Variants in SLC35F3 observed in about 807,000 individuals in gnomAD.
SLC35F3 encodes solute carrier family 35 member F3.
SLC35F3 carries 25 observed loss-of-function variants against 49.9 expected under a neutral mutation model. That is an observed-to-expected ratio of 0.50 (90% CI 0.37 to 0.70). The LOEUF (loss-of-function observed/expected upper bound fraction) is 0.70. Ranked by LOEUF, SLC35F3 falls within the 30% of genes least tolerant of loss-of-function variation. The probability of loss-of-function intolerance (pLI) is 0.00; values close to 1 mark genes in which losing one functional copy is unlikely to be tolerated. For missense variants in SLC35F3, 525 were observed against 639.8 expected (o/e 0.82, Z 1.94); for synonymous variants, 275 against 265.4 (o/e 1.04, Z -0.35).
intron 2 of SLC35F3, among the ~76,000 whole-genome samples, chr1:233,959,534 T>TTA (rs1292650286): frequency 2.0e-5 from 3 of 152,080 alleles, no homozygotes; most frequent in African/African-American, 7.2e-5. Flanking sequence ...TAACAGTAGG[T>TTA]CACACCAGGA....
At chr1:234,120,235 G>A (rs16842566) in intron 2 of SLC35F3, among the ~76,000 whole-genome samples, 3,720 of 152,284 alleles carry the variant, frequency 0.024, 162 homozygotes, top group African/African-American at 0.084. Context: ...CTACTGAATC[G>A]AAGTTGGGGT....
chr1:234,025,122 C>T (rs1409563707), intron 2 of SLC35F3, among the ~76,000 whole-genome samples: 5 of 152,230 alleles, frequency 3.3e-5, no homozygotes, highest in African/African-American at 9.6e-5. Context: ...CCTCCGGCCA[C>T]ATTCATGTTG....
chr1:234,145,032 C>T (rs1665976299), intron 2 of SLC35F3, among the ~76,000 whole-genome samples: 1 of 152,124 alleles, frequency 6.6e-6, no homozygotes, highest in African/African-American at 2.4e-5. Flanking sequence ...TCTTTTTGAA[C>T]AATTGTAGTA....
intron 2 of SLC35F3, among the ~76,000 whole-genome samples, chr1:233,940,374 AG>A (rs1384771537): frequency 3.4e-5 from 5 of 147,870 alleles, no homozygotes; most frequent in Middle Eastern, 3.5e-3. Context: ...ACACACAGAG[AG>A]AGAGAGAGAG....
chr1:234,277,829 G>A (rs1209658949), intron 3 of SLC35F3, among the ~76,000 whole-genome samples: 1 of 152,214 alleles, frequency 6.6e-6, no homozygotes, highest in African/African-American at 2.4e-5. Flanking sequence ...ACTGCGAAAT[G>A]AGAGAGGAAA....
chr1:233,994,147 T>G (rs1041400841), intron 2 of SLC35F3, among the ~76,000 whole-genome samples: 3 of 152,192 alleles, frequency 2.0e-5, no homozygotes, highest in Non-Finnish European at 2.9e-5. Flanking sequence ...TTGGCATAGG[T>G]CATGCAGAGA....
chr1:234,323,047 T>A lies in SLC35F3; in HGVS notation c.1277T>A (p.Val426Asp). ...ACCAGTCAGATCGTCTTCAATGGGG[T>A]CCGGGTCATCGCCATCATCATCATC... ...HYTSQIVFNG[V>D]RVIAIIIIGL... The change falls in exon 8 of 8, where the codon GTC becomes GAC. Residue 426 changes from valine to aspartate, a missense_variant. This residue lies in a region of SLC35F3 where 76 missense variants were observed against 95.6 expected (regional missense o/e 0.80). Coordinates refer to ENST00000366618, the MANE Select transcript of SLC35F3 (RefSeq NM_173508.4). The surrounding 1 kb of genome is among the most constrained non-coding windows in gnomAD (Gnocchi z 4.5). 1.2e-6 allele frequency: 2 copies of A among 1,613,962 alleles called. No homozygotes were observed. Among genetic ancestry groups the A allele is most frequent in the Non-Finnish European group, 8.5e-7 (1 of 1,180,034 alleles).
intron 2 of SLC35F3, among the ~76,000 whole-genome samples, chr1:233,960,664 A>T (rs995009537): frequency 2.6e-5 from 4 of 152,144 alleles, no homozygotes; most frequent in African/African-American, 4.8e-5. Flanking sequence ...CAGATTTCCC[A>T]ATTATAAATG....
chr1:234,106,644 C>A (rs1665288418), intron 2 of SLC35F3, among the ~76,000 whole-genome samples: 1 of 152,178 alleles, frequency 6.6e-6, no homozygotes, highest in Non-Finnish European at 1.5e-5. Flanking sequence ...TCTTAACCAC[C>A]TTTTTAAAGG....
intron 2 of SLC35F3, among the ~76,000 whole-genome samples, chr1:234,056,366 T>G (rs1007640227): frequency 2.0e-5 from 3 of 152,208 alleles, no homozygotes; most frequent in African/African-American, 7.2e-5. Flanking sequence ...TTTTAATAGT[T>G]TTTTATGTAT....
At chr1:234,136,693 G>A (rs549733105) in intron 2 of SLC35F3, among the ~76,000 whole-genome samples, 5 of 152,300 alleles carry the variant, frequency 3.3e-5, no homozygotes, top group East Asian at 3.9e-4. Context: ...ATTAATGAAC[G>A]CATGAGAGTA....
intron 3 of SLC35F3, among the ~76,000 whole-genome samples, chr1:234,264,658 A>G (rs940589854): frequency 6.6e-6 from 1 of 152,134 alleles, no homozygotes; most frequent in Non-Finnish European, 1.5e-5. Context: ...GGCGGAAATG[A>G]TCCTCCAACA....
intron 3 of SLC35F3, among the ~76,000 whole-genome samples, chr1:234,305,373 A>G (rs1657134403): frequency 7.2e-6 from 1 of 138,890 alleles, no homozygotes; most frequent in Non-Finnish European, 1.5e-5. Context: ...AATATTCAGT[A>G]GCAGTATTGC....
In SLC35F3 at chr1:234,214,230, C is replaced by A; in HGVS notation, c.284-17187C>A. The A allele has an allele frequency of 8.2e-7, 1 of 1,215,428 alleles. No individual in the cohort carries two copies. Among genetic ancestry groups the A allele is most frequent in the Non-Finnish European group, 1.0e-6 (1 of 977,178 alleles). 75.3% of individuals were successfully genotyped at this position (1,215,428 alleles called of 1,614,324 possible). On this transcript the variant is annotated intron_variant, in intron 2 of 7. Coordinates refer to ENST00000366618, the MANE Select transcript of SLC35F3 (RefSeq NM_173508.4). The surrounding 1 kb of genome is among the most constrained non-coding windows in gnomAD (Gnocchi z 8.0). ...TTGTACGTGACGTTGGAGTTTGCAG[C>A]AACCTCCAAGTAGGAGGCTGTGCGC...
At chr1:234,249,167 T>C (rs1667697084) in intron 3 of SLC35F3, among the ~76,000 whole-genome samples, 1 of 152,162 alleles carries the variant, frequency 6.6e-6, no homozygotes, top group African/African-American at 2.4e-5. Context: ...AGTGAGGCAA[T>C]TGTATCCTAC....
chr1:234,026,747 T>C (rs6694623), intron 2 of SLC35F3: 69 of 151,400 alleles, frequency 4.6e-4, no homozygotes, highest in African/African-American at 1.6e-3. Flanking sequence ...CGTTTTAGAG[T>C]CTAAACTCTT....
intron 3 of SLC35F3, among the ~76,000 whole-genome samples, chr1:234,268,321 G>C (rs11585167): frequency 6.9e-6 from 1 of 145,870 alleles, no homozygotes; most frequent in African/African-American, 2.5e-5. Context: ...CAGGCGTGGC[G>C]GCGCGCGCCT....
Position 234,320,044 on chromosome 1 carries a change from G to A in SLC35F3, c.1148-54G>A. On this transcript the variant is annotated intron_variant, in intron 6 of 7. Coordinates refer to ENST00000366618, the MANE Select transcript of SLC35F3 (RefSeq NM_173508.4). The surrounding 1 kb of genome is among the most constrained non-coding windows in gnomAD (Gnocchi z 4.8). ...CTGGGTCAGATAGGCCAGCAGGGAG[G>A]TAAAGTACACAGCAGTCATGAATAA... 1 of 1,288,450 alleles carries A rather than the reference G, an allele frequency of 7.8e-7. No homozygotes were observed. The allele number at this position is 1,288,450 out of a possible 1,614,324, so 79.8% of individuals were successfully genotyped here.
chr1:234,297,782 G>C (rs941055893), intron 3 of SLC35F3, among the ~76,000 whole-genome samples: 3 of 151,562 alleles, frequency 2.0e-5, no homozygotes, highest in African/African-American at 7.3e-5. Flanking sequence ...ATAGAAGCAA[G>C]GAGTATAATG....
Sources: gnomAD v4.1 joint callset for allele counts (sites outside exome capture counted in the v4.1 genomes callset) on GRCh38, gnomAD v4.1.1 for gene constraint, gnomAD v4.1.1 regional missense constraint, Gnocchi (gnomAD v3.1) non-coding constraint, MANE v1.5 for transcripts, NCBI Gene and HGNC (gene_info 2026-07-23, HGNC 2026-07-21) for gene names.